Variants in FARS2 observed in about 807,000 individuals in gnomAD.
FARS2 encodes phenylalanyl-tRNA synthetase 2, mitochondrial, also known as phenylalanine--tRNA ligase, mitochondrial.
In FARS2, 40 loss-of-function variants were observed where a neutral mutation model predicts 46.4. The observed-to-expected ratio is 0.86, with a 90% CI of 0.67 to 1.12. The LOEUF (loss-of-function observed/expected upper bound fraction) is 1.12, where lower values mean the gene tolerates loss of function less well. FARS2 is among the 50% of genes most tolerant of loss of function. The pLI is 0.00. For missense variants in FARS2, 513 were observed against 567.9 expected, an observed-to-expected ratio of 0.90 and a Z score of 0.98; for synonymous variants, 234 against 214.9, an observed-to-expected ratio of 1.09 and a Z score of -0.78.
intron 1 of FARS2, among the ~76,000 whole-genome samples, chr6:5,270,462 T>C (rs934294198): frequency 1.3e-5 from 2 of 152,226 alleles, no homozygotes; most frequent in African/African-American, 4.8e-5. Context: ...TAAGTGTGGT[T>C]CGCTAGAGCT....
intron 4 of FARS2, among the ~76,000 whole-genome samples, chr6:5,432,327 A>ATATATAT (rs1331215297): frequency 3.3e-5 from 2 of 61,092 alleles, no homozygotes; most frequent in Non-Finnish European, 6.0e-5. Flanking sequence ...AAAAAAAAAA[A>ATATATAT]ATATATATAT....
Position 5,764,123 on chromosome 6 carries a change from C to T in FARS2, c.1218-7168C>T, listed in dbSNP as rs1489237569. Among the ~76,000 whole-genome samples, 3 of 152,144 alleles carry T rather than the reference C, an allele frequency of 2.0e-5. No homozygotes were observed. Among genetic ancestry groups the T allele is most frequent in the Non-Finnish European group, 1.5e-5 (1 of 68,034 alleles). ...GCTGGCTCTGTATTAACACTCTACA[C>T]GCCCCCTCATTCAGTCCTCACAAAC... On this transcript the variant is annotated intron_variant, in intron 6 of 6. Coordinates refer to ENST00000274680, the MANE Select transcript of FARS2 (RefSeq NM_006567.5). The surrounding 1 kb of genome is among the most constrained non-coding windows in gnomAD (Gnocchi z 4.1).
At chr6:5,341,913 G>A (rs1195310746) in intron 1 of FARS2, among the ~76,000 whole-genome samples, 1 of 152,126 alleles carries the variant, frequency 6.6e-6, no homozygotes, top group Admixed American at 6.5e-5. Flanking sequence ...TCTTACCTGA[G>A]CTGAAAAAAA....
At position 5,764,944 on chromosome 6, in the gene FARS2, G is replaced by A. The variant is rs1354400997; in HGVS notation, c.1218-6347G>A. On this transcript the variant is annotated intron_variant, in intron 6 of 6. Coordinates refer to ENST00000274680, the MANE Select transcript of FARS2 (RefSeq NM_006567.5). The surrounding 1 kb of genome is among the most constrained non-coding windows in gnomAD (Gnocchi z 4.1). ...GAACTGGAGAGCAGTGACACTCTTG[G>A]CAGTGCTTTTGGTACTTGTTAGTTG... 6.6e-6 allele frequency among the ~76,000 whole-genome samples: 1 copy of A among 152,232 alleles called. No individual in the cohort carries two copies. The highest frequency in any genetic ancestry group is 1.9e-4 in the East Asian group (1 of 5,208).
intron 4 of FARS2, among the ~76,000 whole-genome samples, chr6:5,538,368 A>G (rs1371500686): frequency 6.6e-6 from 1 of 152,190 alleles, no homozygotes; most frequent in African/African-American, 2.4e-5. Context: ...TGAGATAATC[A>G]GGGCAAAGAG....
rs1771037830 is a variant in FARS2 at position 5,546,610 on chromosome 6, T to C, written c.1065+1270T>C. Among the ~76,000 whole-genome samples the C allele has an allele frequency of 2.6e-5, 4 of 152,056 alleles. No homozygotes were observed. In the South Asian group the frequency reaches 8.3e-4, roughly 32 times the overall value. On this transcript the variant is annotated intron_variant, in intron 5 of 6. Coordinates refer to ENST00000274680, the MANE Select transcript of FARS2 (RefSeq NM_006567.5). Reference sequence around the variant, plus strand: ...TCATTTTTCAGAATGAAGCTGCATATATGTTAGACCATTTGATCCTATGCC... The same window carrying C: ...TCATTTTTCAGAATGAAGCTGCATACATGTTAGACCATTTGATCCTATGCC...
At chr6:5,640,202 G>T (rs1006719073) in intron 6 of FARS2, among the ~76,000 whole-genome samples, 3 of 151,878 alleles carry the variant, frequency 2.0e-5, no homozygotes, top group Non-Finnish European at 2.9e-5. Flanking sequence ...GGATGCACAC[G>T]TGTACACACG....
intron 6 of FARS2, among the ~76,000 whole-genome samples, chr6:5,714,344 C>T (rs944952896): frequency 1.2e-4 from 19 of 152,106 alleles, no homozygotes; most frequent in African/African-American, 4.3e-4. Context: ...CTAATGGCAT[C>T]GCCAATGGGA....
chr6:5,282,700 G>A (rs1217623916), intron 1 of FARS2, among the ~76,000 whole-genome samples: 1 of 152,228 alleles, frequency 6.6e-6, no homozygotes. Flanking sequence ...GCTTTAGAAA[G>A]GTGGGTCCAG....
Position 5,545,350 on chromosome 6 carries a change from C to G in FARS2, c.1065+10C>G, listed in dbSNP as rs1770905514. On this transcript the variant is annotated intron_variant, in intron 5 of 6. Coordinates refer to ENST00000274680, the MANE Select transcript of FARS2 (RefSeq NM_006567.5). ...GAAGGTGAAGTTTCAGGTAAGATGA[C>G]TTGCAAGAACTGAATAGATAATAAT... 1 of 1,609,628 alleles carries G rather than the reference C, an allele frequency of 6.2e-7. No homozygotes were observed. Among genetic ancestry groups the G allele is most frequent in the Non-Finnish European group, 8.5e-7 (1 of 1,176,404 alleles).
chr6:5,731,606 ATGAG>A (rs1760629706), intron 6 of FARS2, among the ~76,000 whole-genome samples: 1 of 152,114 alleles, frequency 6.6e-6, no homozygotes. Flanking sequence ...GTACTCCTCT[ATGAG>A]TAGCACCATG....
chr6:5,645,860 C>T (rs1282002050), intron 6 of FARS2, among the ~76,000 whole-genome samples: 2 of 152,200 alleles, frequency 1.3e-5, no homozygotes, highest in Non-Finnish European at 2.9e-5. Flanking sequence ...TGCATTTCAA[C>T]AAAGAACCTT....
rs762847777 is a variant in FARS2, at chr6:5,368,724, G to T, written c.154G>T (p.Glu52Ter). The T allele has an allele frequency of 6.2e-7, 1 of 1,614,140 alleles. No individual in the cohort carries two copies. The highest frequency in any genetic ancestry group is 8.5e-7 in the Non-Finnish European group (1 of 1,180,020). ...ATQRAPGSVV[E>*]LLGKSYPQDD... Reference sequence around the variant, plus strand: ...CCAAAGAGCTCCAGGCAGTGTGGTGGAGCTGCTGGGCAAATCCTACCCTCA... The same window carrying T: ...CCAAAGAGCTCCAGGCAGTGTGGTGTAGCTGCTGGGCAAATCCTACCCTCA... The change falls in exon 2 of 7, where the codon GAG becomes TAG. Residue 52 changes from glutamate to a stop codon, truncating the protein, a stop_gained. Coordinates refer to ENST00000274680, the MANE Select transcript of FARS2 (RefSeq NM_006567.5). LOFTEE classifies it high-confidence loss of function.
intron 3 of FARS2, among the ~76,000 whole-genome samples, chr6:5,412,437 G>T (rs932868477): frequency 6.6e-6 from 1 of 152,206 alleles, no homozygotes; most frequent in Non-Finnish European, 1.5e-5. Context: ...ATCCACACGT[G>T]TTGATTCCCT....
At chr6:5,612,111 G>A (rs552347985) in intron 5 of FARS2, among the ~76,000 whole-genome samples, 51 of 152,108 alleles carry the variant, frequency 3.4e-4, no homozygotes, top group Admixed American at 7.8e-4. Context: ...GCTAACTATC[G>A]TGTTTGTATG....
intron 6 of FARS2, among the ~76,000 whole-genome samples, chr6:5,643,734 A>G (rs1776938106): frequency 6.6e-6 from 1 of 152,098 alleles, no homozygotes; most frequent in Non-Finnish European, 1.5e-5. Flanking sequence ...TCCAAGGGTA[A>G]ACTGCTTGAT....
intron 1 of FARS2, among the ~76,000 whole-genome samples, chr6:5,268,308 G>A (rs1369384952): frequency 6.6e-6 from 1 of 151,812 alleles, no homozygotes; most frequent in African/African-American, 2.4e-5. Context: ...GTATTGCCTA[G>A]GTTTTCTTCT....
At chr6:5,671,988 A>T (rs1429535731) in intron 6 of FARS2, among the ~76,000 whole-genome samples, 1 of 152,202 alleles carries the variant, frequency 6.6e-6, no homozygotes, top group African/African-American at 2.4e-5. Context: ...CTACTTTTCC[A>T]CAAAAATACC....
At chr6:5,499,628 C>T (rs1767672217) in intron 4 of FARS2, among the ~76,000 whole-genome samples, 1 of 152,094 alleles carries the variant, frequency 6.6e-6, no homozygotes, top group Non-Finnish European at 1.5e-5. Flanking sequence ...TTCAAACTTC[C>T]CTCAAGTTCC....
Sources: allele counts gnomAD v4.1 joint callset (sites outside exome capture counted in the v4.1 genomes callset), GRCh38; gene constraint gnomAD v4.1.1; non-coding constraint Gnocchi (gnomAD v3.1); transcripts MANE v1.5; gene names NCBI Gene and HGNC (gene_info 2026-07-23, HGNC 2026-07-21).